FABP12: variants seen among roughly 807,000 people sequenced by gnomAD.
FABP12 encodes the protein fatty acid-binding protein 12.
Under a neutral mutation model 13.7 loss-of-function variants are expected in FABP12, and 19 were observed. That is an observed-to-expected ratio of 1.39 (90% CI 0.97 to 2.04). FABP12 has a LOEUF of 2.04. FABP12 is among the 30% of genes most tolerant of loss of function. The pLI is 0.00. For synonymous variants in FABP12, 61 were observed against 57.0 expected (o/e 1.07, Z -0.32); for missense variants, 182 against 164.2 (o/e 1.11, Z -0.59).
chr8:81,589,556 T>C (rs1810290597), intron 1 of FABP12, among the ~76,000 whole-genome samples: 1 of 152,050 alleles, frequency 6.6e-6, no homozygotes, highest in Non-Finnish European at 1.5e-5. Context: ...GTCACCCAAT[T>C]CACTTTCCCC....
intron 3 of FABP12, among the ~76,000 whole-genome samples, chr8:81,527,951 T>C (rs1339962309): frequency 6.6e-6 from 1 of 151,988 alleles, no homozygotes; most frequent in East Asian, 1.9e-4. Flanking sequence ...AGAGACCCTG[T>C]CTCAATAAAG....
intron 1 of FABP12, among the ~76,000 whole-genome samples, chr8:81,543,087 C>T (rs1809378249): frequency 6.6e-6 from 1 of 152,176 alleles, no homozygotes; most frequent in African/African-American, 2.4e-5. Context: ...TTAAGCTTAA[C>T]ATTTTCACAC....
chr8:81,555,215 G>T (rs1275121582), intron 1 of FABP12, among the ~76,000 whole-genome samples: 1 of 152,174 alleles, frequency 6.6e-6, no homozygotes, highest in Non-Finnish European at 1.5e-5. Context: ...CCACGGATTT[G>T]TTAGTCAAAA....
intron 1 of FABP12, among the ~76,000 whole-genome samples, chr8:81,559,283 C>T (rs1303951225): frequency 2.0e-5 from 3 of 152,202 alleles, no homozygotes; most frequent in African/African-American, 7.2e-5. Context: ...TGCACAGTAG[C>T]AGTCCCAGTG....
intron 1 of FABP12, among the ~76,000 whole-genome samples, chr8:81,544,138 TA>T (rs1167367282): frequency 6.6e-6 from 1 of 152,084 alleles, no homozygotes; most frequent in Non-Finnish European, 1.5e-5. Flanking sequence ...GGCATCAGAA[TA>T]ACAAATAATG....
chr8:81,552,202 A>T (rs149553887), intron 1 of FABP12, among the ~76,000 whole-genome samples: 152 of 152,284 alleles, frequency 1.0e-3, no homozygotes, highest in African/African-American at 3.6e-3. Context: ...AGGAACAGTG[A>T]GAAAAAGAAG....
chr8:81,533,292 GC>G (rs1240953899), intron 1 of FABP12: 1 of 152,190 alleles, frequency 6.6e-6, no homozygotes, highest in East Asian at 1.9e-4. Context: ...GTTGTTCAGT[GC>G]CTCTTCTGTG....
chr8:81,536,203 C>A (rs1247526035), upstream of FABP12, among the ~76,000 whole-genome samples: 1 of 152,144 alleles, frequency 6.6e-6, no homozygotes, highest in African/African-American at 2.4e-5. Context: ...GATGCTGTGG[C>A]CCTCTCACCA....
upstream of FABP12, among the ~76,000 whole-genome samples, chr8:81,535,718 C>T (rs1809205271): frequency 6.6e-6 from 1 of 152,172 alleles, no homozygotes; most frequent in Admixed American, 6.5e-5. Flanking sequence ...GATAACAGAT[C>T]TCCTTTGAGG....
chr8:81,536,167 C>T (rs556582114), upstream of FABP12, among the ~76,000 whole-genome samples: 1 of 152,160 alleles, frequency 6.6e-6, no homozygotes, highest in Non-Finnish European at 1.5e-5. Context: ...AACAACCCAA[C>T]AAGAGCAACC....
At chr8:81,567,998 C>T (rs1369436581) in intron 1 of FABP12, among the ~76,000 whole-genome samples, 1 of 152,134 alleles carries the variant, frequency 6.6e-6, no homozygotes, top group Non-Finnish European at 1.5e-5. Context: ...TGGCGGGCTC[C>T]TGTAGTCCCA....
At chr8:81,569,074 T>C (rs1397036913) in intron 1 of FABP12, among the ~76,000 whole-genome samples, 1 of 152,192 alleles carries the variant, frequency 6.6e-6, no homozygotes, top group African/African-American at 2.4e-5. Flanking sequence ...AACAATCATT[T>C]ATTGTAAATT....
chr8:81,549,179 T>C (rs1239805082), intron 1 of FABP12, among the ~76,000 whole-genome samples: 1 of 151,914 alleles, frequency 6.6e-6, no homozygotes, highest in East Asian at 1.9e-4. Context: ...TGTGAGCCAG[T>C]TCATCTCTTT....
intron 1 of FABP12, among the ~76,000 whole-genome samples, chr8:81,571,018 A>C (rs1415484110): frequency 2.0e-5 from 3 of 150,970 alleles, no homozygotes; most frequent in Admixed American, 1.3e-4. Context: ...TCCAAGAGGC[A>C]CCTGCAGGCC....
chr8:81,544,275 C>G (rs927150405), intron 1 of FABP12, among the ~76,000 whole-genome samples: 1 of 152,164 alleles, frequency 6.6e-6, no homozygotes, highest in Non-Finnish European at 1.5e-5. Context: ...TCTAGACGTT[C>G]TGGAGGGTAG....
intron 1 of FABP12, among the ~76,000 whole-genome samples, chr8:81,544,760 C>T (rs1407238539): frequency 6.6e-6 from 1 of 152,104 alleles, no homozygotes; most frequent in African/African-American, 2.4e-5. Flanking sequence ...AATCCCAGAC[C>T]TCATGAGGTC....
intron 3 of FABP12, 97 bp downstream of exon 3, chr8:81,529,341 G>T: frequency 8.4e-7 from 1 of 1,195,266 alleles, no homozygotes; most frequent in Non-Finnish European, 1.2e-6. Flanking sequence ...TCCTCTTAAG[G>T]ACTTTAGATA....
chr8:81,587,003 C>G (rs1227575293), intron 1 of FABP12, among the ~76,000 whole-genome samples: 1 of 152,222 alleles, frequency 6.6e-6, no homozygotes, highest in Non-Finnish European at 1.5e-5. Flanking sequence ...TTTCAATCCT[C>G]TGCATATGGC....
At chr8:81,553,206 A>G (rs571966951) in intron 1 of FABP12, among the ~76,000 whole-genome samples, 32 of 152,294 alleles carry the variant, frequency 2.1e-4, no homozygotes, top group Admixed American at 1.4e-3. Flanking sequence ...CACCTTCTTC[A>G]TAATATGCCA....
Sources: allele counts gnomAD v4.1 joint callset (sites outside exome capture counted in the v4.1 genomes callset), GRCh38; gene constraint gnomAD v4.1.1; transcripts MANE v1.5; gene names NCBI Gene and HGNC (gene_info 2026-07-23, HGNC 2026-07-21).